Variants in NTN4 observed in about 807,000 individuals in gnomAD.
The protein encoded by NTN4 is netrin-4.
In NTN4, 32 loss-of-function variants were observed where a neutral mutation model predicts 73.6. That is an observed-to-expected ratio of 0.44 (90% CI 0.33 to 0.58). The LOEUF is 0.58. NTN4 is among the 20% of genes least tolerant of loss of function. The pLI, the probability that NTN4 is intolerant of heterozygous loss-of-function variation, is 0.04. For synonymous variants in NTN4, 258 were observed against 287.5 expected (o/e 0.90, Z 1.04); for missense variants, 654 against 798.3 (o/e 0.82, Z 2.18).
chr12:95,777,558 C>A (rs903174855), intron 2 of NTN4, among the ~76,000 whole-genome samples: 1 of 151,936 alleles, frequency 6.6e-6, no homozygotes, highest in African/African-American at 2.4e-5. Context: ...TCAAAAGAGA[C>A]AAAAAAGGAC....
At chr12:95,778,462 A>G (rs904060256) in intron 2 of NTN4, among the ~76,000 whole-genome samples, 1 of 152,208 alleles carries the variant, frequency 6.6e-6, no homozygotes, top group African/African-American at 2.4e-5. Flanking sequence ...AGACACAATA[A>G]AAAATGATAA....
At chr12:95,709,413 C>A (rs2078545483) in intron 5 of NTN4, among the ~76,000 whole-genome samples, 1 of 152,234 alleles carries the variant, frequency 6.6e-6, no homozygotes, top group Non-Finnish European at 1.5e-5. Flanking sequence ...TGCATGCACC[C>A]TTTACATTCA....
intron 9 of NTN4, among the ~76,000 whole-genome samples, chr12:95,661,296 G>A (rs1396972467): frequency 6.6e-6 from 1 of 152,056 alleles, no homozygotes; most frequent in African/African-American, 2.4e-5. Flanking sequence ...GCCCAGCTTG[G>A]GAGAGAAAGC....
In NTN4 at chr12:95,683,726, A is replaced by G. The variant is rs1343167704; in HGVS notation, c.1181-15T>C. 2 of 1,576,600 alleles carry G rather than the reference A, an allele frequency of 1.3e-6. No individual in the cohort carries two copies. Among genetic ancestry groups the G allele is most frequent in the Non-Finnish European group, 1.7e-6 (2 of 1,158,948 alleles). On this transcript the variant is annotated splice_polypyrimidine_tract_variant and intron_variant, in intron 5 of 9. Coordinates refer to ENST00000343702, the MANE Select transcript of NTN4 (RefSeq NM_021229.4). The stretch of plus-strand genomic sequence containing the variant: ...GCAGGAACACGCTACAACAGAGAGG[A>G]CACGCAAGGATCAAAGACTGACTGT...
At chr12:95,697,818 C>A (rs1018318720) in intron 5 of NTN4, among the ~76,000 whole-genome samples, 13 of 152,070 alleles carry the variant, frequency 8.5e-5, no homozygotes, top group Non-Finnish European at 2.9e-5. Flanking sequence ...GTTCAAATCC[C>A]AGCCTTGGCA....
At chr12:95,712,125 C>T (rs1227782735) in intron 4 of NTN4, among the ~76,000 whole-genome samples, 1 of 152,128 alleles carries the variant, frequency 6.6e-6, no homozygotes, top group Non-Finnish European at 1.5e-5. Context: ...AAGAGAGGTT[C>T]GTGAGCGTTA....
intron 6 of NTN4, 118 bp downstream of exon 6, chr12:95,683,380 A>AGAGAT (rs748770134): frequency 5.8e-5 from 56 of 958,172 alleles, no homozygotes; most frequent in Non-Finnish European, 8.3e-5. Context: ...ATTCTTTAAA[A>AGAGAT]GAGATGTGCA....
At position 95,683,480 on chromosome 12, in the gene NTN4, A is replaced by G; in HGVS notation, c.1394+18T>C. The G allele has an allele frequency of 6.2e-7, 1 of 1,607,798 alleles. No homozygotes were observed. The highest frequency in any genetic ancestry group is 8.5e-7 in the Non-Finnish European group (1 of 1,174,678). The stretch of plus-strand genomic sequence containing the variant: ...CCTGAAATACATGCAGCTGAGAGCA[A>G]GAGCCTTGCACATTCACCTGCTGAT... On this transcript the variant is annotated intron_variant, in intron 6 of 9. Transcript: ENST00000343702.
intron 2 of NTN4, among the ~76,000 whole-genome samples, chr12:95,770,988 A>ATTTT (rs1460848065): frequency 1.2e-4 from 7 of 58,092 alleles, no homozygotes; most frequent in African/African-American, 3.1e-4. Context: ...CAGGAAAAGA[A>ATTTT]TTTGTTTTTT....
At chr12:95,750,898 C>T (rs1334114570) in intron 2 of NTN4, among the ~76,000 whole-genome samples, 1 of 152,214 alleles carries the variant, frequency 6.6e-6, no homozygotes, top group Admixed American at 6.5e-5. Flanking sequence ...TAGCCCTCCC[C>T]CACCTGCCCA....
Position 95,700,080 on chromosome 12 carries a change from ATTTTTTTTTTTTTTTTTTTT to A in NTN4, c.1180+10341_1180+10360del, listed in dbSNP as rs56063223. 8.6e-4 allele frequency among the ~76,000 whole-genome samples: 36 copies of A among 41,826 alleles called. No homozygotes were observed. In the Admixed American group the frequency reaches 0.012, roughly 13 times the overall value. The allele number at this position is 41,826 out of a possible 152,430, so 27.4% of individuals were successfully genotyped here. ...AACAGTGTATTCTTCTAAAGTGAGGATTTTTTTTTTTTTTTTTTTTTTTTTTTTTTTTTTTACTTAGGGTC... is the reference window on the plus strand; with the variant it reads ...AACAGTGTATTCTTCTAAAGTGAGGATTTTTTTTTTTTTTTACTTAGGGTC... On this transcript the variant is annotated intron_variant, in intron 5 of 9. Transcript: ENST00000343702.
At chr12:95,738,169 G>T in intron 2 of NTN4, 25 bp from the exon 3 acceptor site, 1 of 1,593,584 alleles carries the variant, frequency 6.3e-7, no homozygotes, top group African/African-American at 1.3e-5. Context: ...AAAATACCAT[G>T]CGTTTATAGG....
chr12:95,758,284 G>C (rs905812974), intron 2 of NTN4, among the ~76,000 whole-genome samples: 1 of 152,170 alleles, frequency 6.6e-6, no homozygotes, highest in Non-Finnish European at 1.5e-5. Flanking sequence ...TAGTGAAAGT[G>C]AGCAGTATCT....
At chr12:95,740,110 C>T (rs993709276) in intron 2 of NTN4, 1 of 152,248 alleles carries the variant, frequency 6.6e-6, no homozygotes, top group African/African-American at 2.4e-5. Context: ...AGCAGAGTGC[C>T]ACAGACACAA....
chr12:95,737,423 T>G (rs1410289083), intron 3 of NTN4, among the ~76,000 whole-genome samples: 2 of 152,140 alleles, frequency 1.3e-5, no homozygotes, highest in Non-Finnish European at 2.9e-5. Context: ...GTCCTCTTCA[T>G]GGAGGAGAAT....
chr12:95,760,572 T>C (rs770741659), intron 2 of NTN4, among the ~76,000 whole-genome samples: 2 of 152,198 alleles, frequency 1.3e-5, no homozygotes, highest in Non-Finnish European at 2.9e-5. Flanking sequence ...CTTGGAAATG[T>C]CCAATCAGCA....
At chr12:95,762,890 T>A (rs11108242) in intron 2 of NTN4, among the ~76,000 whole-genome samples, 41,808 of 152,144 alleles carry the variant, frequency 0.27, 6,510 homozygotes, top group South Asian at 0.4. Flanking sequence ...TAAAACTGTT[T>A]CTTTCCTATA....
chr12:95,752,446 C>A (rs35827910), intron 2 of NTN4, among the ~76,000 whole-genome samples: 30,213 of 144,402 alleles, frequency 0.21, 2,412 homozygotes, highest in East Asian at 0.33. Context: ...TTGCACCCTT[C>A]ATCCCAGCCT....
intron 7 of NTN4, among the ~76,000 whole-genome samples, chr12:95,680,755 T>C (rs2120980624): frequency 6.6e-6 from 1 of 152,198 alleles, no homozygotes; most frequent in East Asian, 1.9e-4. Context: ...TGTCCCAGAG[T>C]TCAGTGGCTA....
Sources: gnomAD v4.1 joint callset for allele counts (sites outside exome capture counted in the v4.1 genomes callset) on GRCh38, gnomAD v4.1.1 for gene constraint, MANE v1.5 for transcripts, NCBI Gene and HGNC (gene_info 2026-07-23, HGNC 2026-07-21) for gene names.